TP63: variants seen among roughly 807,000 people sequenced by gnomAD.
The protein encoded by TP63 is tumor protein 63.
In TP63, 17 loss-of-function variants were observed where a neutral mutation model predicts 82.8. The observed-to-expected ratio is 0.21, with a 90% CI of 0.14 to 0.31. TP63 has a LOEUF of 0.31. TP63 is among the 10% of genes least tolerant of loss of function. The pLI is 1.00. For synonymous variants in TP63, 330 were observed against 321.7 expected (o/e 1.03, Z -0.28); for missense variants, 648 against 895.3 (o/e 0.72, Z 3.52).
At chr3:189,638,971 T>G (rs1390188026) in intron 1 of TP63, among the ~76,000 whole-genome samples, 6 of 152,096 alleles carry the variant, frequency 3.9e-5, no homozygotes, top group African/African-American at 1.4e-4. Flanking sequence ...AAAACAGAGA[T>G]GCATGCTCCC....
At chr3:189,700,319 C>T (rs1280809421) in intron 1 of TP63, among the ~76,000 whole-genome samples, 1 of 152,126 alleles carries the variant, frequency 6.6e-6, no homozygotes, top group Non-Finnish European at 1.5e-5. Context: ...AAAATGGTGC[C>T]ATCATTCATA....
chr3:189,652,265 C>CA lies in TP63; in HGVS notation c.62+20689dup, dbSNP rs1473567858. The stretch of plus-strand genomic sequence containing the variant: ...GCCACAAGGTGGAGCTGTCCAAATC[C>CA]ATGGGAGCCCACCTCTTGTATCAGC... On this transcript the variant is annotated intron_variant, in intron 1 of 13. Transcript: ENST00000264731. 2.1e-4 allele frequency among the ~76,000 whole-genome samples: 31 copies of CA among 147,176 alleles called. 4 individuals carry two copies. Among genetic ancestry groups the CA allele is most frequent in the African/African-American group, 7.9e-4 (31 of 39,334 alleles).
chr3:189,778,434 T>C (rs1168164227), intron 3 of TP63, among the ~76,000 whole-genome samples: 1 of 152,238 alleles, frequency 6.6e-6, no homozygotes, highest in Non-Finnish European at 1.5e-5. Context: ...TGTAAGAGGA[T>C]GAAAAACTCA....
At chr3:189,850,035 T>G (rs1324803982) in intron 4 of TP63, among the ~76,000 whole-genome samples, 1 of 152,150 alleles carries the variant, frequency 6.6e-6, no homozygotes, top group Non-Finnish European at 1.5e-5. Flanking sequence ...ATCCGAGTAC[T>G]TTGACAGGCT....
chr3:189,678,948 T>G (rs189780373), intron 1 of TP63, among the ~76,000 whole-genome samples: 2,639 of 152,090 alleles, frequency 0.017, 23 homozygotes, highest in Non-Finnish European at 0.027. Context: ...TGTAAGTTGG[T>G]TTTGTACCCT....
At chr3:189,790,177 C>T (rs1311301546) in intron 3 of TP63, among the ~76,000 whole-genome samples, 1 of 152,000 alleles carries the variant, frequency 6.6e-6, no homozygotes, top group Non-Finnish European at 1.5e-5. Context: ...TGCAATGAAT[C>T]CTCTGATGGG....
At chr3:189,828,103 A>G (rs958026520) in intron 4 of TP63, among the ~76,000 whole-genome samples, 4 of 151,900 alleles carry the variant, frequency 2.6e-5, no homozygotes, top group African/African-American at 9.7e-5. Context: ...TAGCTGGGCT[A>G]GGTGGTGGGC....
At chr3:189,880,171 A>G in intron 10 of TP63, 1 of 1,613,122 alleles carries the variant, frequency 6.2e-7, no homozygotes. Flanking sequence ...CGATCAGTGT[A>G]CCCATAGAGC....
At chr3:189,788,519 T>C (rs1724799319) in intron 3 of TP63, among the ~76,000 whole-genome samples, 1 of 151,980 alleles carries the variant, frequency 6.6e-6, no homozygotes, top group African/African-American at 2.4e-5. Flanking sequence ...AATTTTCACT[T>C]ATAGTTATCT....
intron 4 of TP63, among the ~76,000 whole-genome samples, chr3:189,840,047 T>G (rs942560779): frequency 6.6e-6 from 1 of 152,222 alleles, no homozygotes; most frequent in African/African-American, 2.4e-5. Flanking sequence ...ATATAAGACA[T>G]AAAGAACTTA....
At chr3:189,752,053 C>A (rs748574561) in intron 3 of TP63, among the ~76,000 whole-genome samples, 1 of 151,846 alleles carries the variant, frequency 6.6e-6, no homozygotes, top group Non-Finnish European at 1.5e-5. Flanking sequence ...TTATAGGAAT[C>A]CTGAGATTAT....
chr3:189,751,049 T>C (rs561372292), intron 3 of TP63, among the ~76,000 whole-genome samples: 234 of 152,254 alleles, frequency 1.5e-3, no homozygotes, highest in African/African-American at 5.4e-3. Flanking sequence ...AGTTCCCACC[T>C]ATGAGTGAGA....
intron 1 of TP63, among the ~76,000 whole-genome samples, chr3:189,675,034 C>T (rs1181892087): frequency 6.6e-6 from 1 of 152,142 alleles, no homozygotes; most frequent in Non-Finnish European, 1.5e-5. Flanking sequence ...AGGAATTTCT[C>T]TCTCATAGTT....
At chr3:189,628,211 A>C (rs144515274), upstream of TP63, among the ~76,000 whole-genome samples, 4 of 152,256 alleles carry the variant, frequency 2.6e-5, no homozygotes, top group Non-Finnish European at 5.9e-5. Flanking sequence ...ATGTGGAAAA[A>C]AGAGGGAGAA....
intron 10 of TP63, chr3:189,881,594 G>C: frequency 1.2e-6 from 1 of 857,266 alleles, no homozygotes; most frequent in South Asian, 5.3e-5. Flanking sequence ...TAGGTCTAAG[G>C]AACAAGAATA....
chr3:189,772,272 G>C (rs1266515333), intron 3 of TP63, among the ~76,000 whole-genome samples: 1 of 152,182 alleles, frequency 6.6e-6, no homozygotes, highest in Non-Finnish European at 1.5e-5. Context: ...TCACGTACTA[G>C]CTAGCTAATG....
intron 1 of TP63, among the ~76,000 whole-genome samples, chr3:189,636,210 A>G (rs929238170): frequency 6.6e-6 from 1 of 152,176 alleles, no homozygotes; most frequent in African/African-American, 2.4e-5. Flanking sequence ...CTCTATTACC[A>G]TGCGCTGCGT....
At chr3:189,635,457 C>T (rs1198890300) in intron 1 of TP63, among the ~76,000 whole-genome samples, 4 of 152,088 alleles carry the variant, frequency 2.6e-5, no homozygotes, top group Non-Finnish European at 5.9e-5. Flanking sequence ...CCTCAAGAAG[C>T]TGCCTCCTGA....
chr3:189,724,449 G>A (rs922794727), intron 1 of TP63, among the ~76,000 whole-genome samples: 3 of 152,078 alleles, frequency 2.0e-5, no homozygotes, highest in South Asian at 2.1e-4. Flanking sequence ...CACTGAACCC[G>A]ATTTGTAGTC....
Sources: gnomAD v4.1 joint callset for allele counts (sites outside exome capture counted in the v4.1 genomes callset) on GRCh38, gnomAD v4.1.1 for gene constraint, MANE v1.5 for transcripts, NCBI Gene and HGNC (gene_info 2026-07-23, HGNC 2026-07-21) for gene names.